The following RNF4 variants were observed in gnomAD, a reference collection of about 807,000 sequenced individuals.
The protein encoded by RNF4 is E3 ubiquitin-protein ligase RNF4.
In RNF4, 7 loss-of-function variants were observed where a neutral mutation model predicts 24.3. The ratio of observed to expected loss-of-function variants is 0.29; its 90% CI spans 0.16 to 0.54. The LOEUF (loss-of-function observed/expected upper bound fraction) is 0.54, where lower values mean the gene tolerates loss of function less well. Among genes scored for constraint, RNF4 ranks in the 20% least tolerant of loss-of-function variants. The probability of loss-of-function intolerance (pLI) is 0.95; values close to 1 mark genes in which losing one functional copy is unlikely to be tolerated. For synonymous variants in RNF4, 83 were observed against 84.3 expected, an observed-to-expected ratio of 0.98 and a Z score of 0.09; for missense variants, 209 against 248.5, an observed-to-expected ratio of 0.84 and a Z score of 1.07.
At chr4:2,490,625 G>A (rs1297494271) in intron 2 of RNF4, 123 bp downstream of exon 2, 2 of 1,045,894 alleles carry the variant, frequency 1.9e-6, no homozygotes, top group Non-Finnish European at 2.8e-6. Context: ...CTTCTTGAAG[G>A]AGTATGTATA....
intron 3 of RNF4, chr4:2,499,243 AGACCAATACT>A: frequency 2.3e-6 from 1 of 437,882 alleles, no homozygotes; most frequent in South Asian, 1.6e-5. Flanking sequence ...CCCAAATATT[AGACCAATACT>A]GTTTCTTAAA....
At position 2,515,340 on chromosome 4, in the gene RNF4, T is replaced by C. The variant is rs536056514; in HGVS notation, c.*1521T>C. The C allele has an allele frequency of 6.5e-6, 1 of 152,772 alleles. No individual in the cohort carries two copies. Among genetic ancestry groups the C allele is most frequent in the East Asian group, 1.9e-4 (1 of 5,194 alleles). 9.5% of individuals were successfully genotyped at this position (152,772 alleles called of 1,614,324 possible). ...TTATTCTTCATTCTGACTTTTTAACTGTTTGGCTCACTTCCAGTTAGTTTG... is the reference window on the plus strand; with the variant it reads ...TTATTCTTCATTCTGACTTTTTAACCGTTTGGCTCACTTCCAGTTAGTTTG... On this transcript the variant is annotated 3_prime_UTR_variant, in exon 8 of 8. Coordinates refer to ENST00000314289, the MANE Select transcript of RNF4 (RefSeq NM_002938.5).
intron 3 of RNF4, 69 bp from the exon 4 acceptor site, chr4:2,500,589 TA>T: frequency 6.7e-7 from 1 of 1,495,848 alleles, no homozygotes. Context: ...GCAGTCATAC[TA>T]AAGTGTAGAG....
chr4:2,491,673 C>T (rs1735582674), intron 2 of RNF4, among the ~76,000 whole-genome samples: 1 of 152,054 alleles, frequency 6.6e-6, no homozygotes, highest in Non-Finnish European at 1.5e-5. Flanking sequence ...AACTCCTGAC[C>T]TCAAGTGATC....
intron 3 of RNF4, among the ~76,000 whole-genome samples, chr4:2,498,196 C>G (rs1735796023): frequency 6.6e-6 from 1 of 152,074 alleles, no homozygotes; most frequent in South Asian, 2.1e-4. Flanking sequence ...GTTTTTGTTT[C>G]TGTTTGAGGC....
intron 1 of RNF4, among the ~76,000 whole-genome samples, chr4:2,473,595 G>A (rs1578495136): frequency 2.0e-5 from 3 of 151,910 alleles, no homozygotes; most frequent in South Asian, 2.1e-4. Flanking sequence ...GGTGGATTAC[G>A]AGGTCAGGAG....
intron 4 of RNF4, among the ~76,000 whole-genome samples, chr4:2,502,893 C>T (rs1033976560): frequency 1.3e-5 from 2 of 151,874 alleles, no homozygotes; most frequent in Non-Finnish European, 2.9e-5. Flanking sequence ...CTCTGTTGCC[C>T]AGGCTAGAGA....
chr4:2,500,602 G>A, intron 3 of RNF4, 57 bp from the exon 4 acceptor site: 2 of 1,554,196 alleles, frequency 1.3e-6, no homozygotes, highest in Middle Eastern at 3.4e-4. Flanking sequence ...AGTGTAGAGG[G>A]ATACAACCTT....
chr4:2,485,023 A>G (rs563034147), intron 1 of RNF4, among the ~76,000 whole-genome samples: 1 of 152,300 alleles, frequency 6.6e-6, no homozygotes, highest in East Asian at 1.9e-4. Context: ...TCCTCCACAC[A>G]GTGCTCGTGT....
At position 2,491,325 on chromosome 4, in the gene RNF4, G is replaced by T. The variant is rs752070980; in HGVS notation, c.9+823G>T. 3.3e-5 allele frequency among the ~76,000 whole-genome samples: 5 copies of T among 151,958 alleles called. 1 individual carries two copies. The Middle Eastern group carries it at 0.014, about 413-fold the overall frequency. On this transcript the variant is annotated intron_variant, in intron 2 of 7. Transcript: ENST00000314289. ...GACCTCGGCTCACTGCAACCTCCAC[G>T]TTCTGGGTTCAAGTGATTCTTGTGC... is the stretch of plus-strand genomic sequence containing the variant.
rs1400952549 is a variant in RNF4 at position 2,513,757 on chromosome 4, A to C, written c.511A>C (p.Asn171His). 6.2e-7 allele frequency: 1 copy of C among 1,613,936 alleles called. No homozygotes were observed. The highest frequency in any genetic ancestry group is 2.2e-5 in the East Asian group (1 of 44,884). Residue 171 changes from asparagine (N) to histidine (H), a missense_variant, in exon 8 of 8, where the codon AAT (asparagine) becomes CAT (histidine). By Grantham distance (68) the Asn-to-His change is moderately conservative. Transcript: ENST00000314289. ...CCTCCGTGATTCCCTGAAGAATGCT[A>C]ATACTTGCCCAACTTGTAGGAAAAA... Reference protein sequence around the residue: ...QCLRDSLKNANTCPTCRKKIN... With the variant: ...QCLRDSLKNAHTCPTCRKKIN...
chr4:2,497,660 A>T (rs931267612), intron 3 of RNF4, among the ~76,000 whole-genome samples: 1 of 152,182 alleles, frequency 6.6e-6, no homozygotes, highest in African/African-American at 2.4e-5. Flanking sequence ...TTTGAGATAG[A>T]GTCTTGCTCT....
At chr4:2,495,142 C>T (rs933807256) in intron 2 of RNF4, among the ~76,000 whole-genome samples, 7 of 152,202 alleles carry the variant, frequency 4.6e-5, no homozygotes, top group Non-Finnish European at 8.8e-5. Flanking sequence ...TGGCTGCTGT[C>T]GCTTGGCCTC....
intron 1 of RNF4, among the ~76,000 whole-genome samples, chr4:2,477,394 G>A (rs940736460): frequency 6.6e-6 from 1 of 152,064 alleles, no homozygotes; most frequent in Non-Finnish European, 1.5e-5. Flanking sequence ...AGATGAGTGT[G>A]GCCAACATAG....
intron 4 of RNF4, among the ~76,000 whole-genome samples, chr4:2,507,745 G>C (rs1376979910): frequency 6.6e-6 from 1 of 152,196 alleles, no homozygotes; most frequent in Non-Finnish European, 1.5e-5. Context: ...AGATGTGCCT[G>C]CTGCAGGTCC....
chr4:2,512,071 G>A lies in RNF4; in HGVS notation c.214+106G>A, dbSNP rs530254284. 7.4e-5 allele frequency: 78 copies of A among 1,053,388 alleles called. 1 individual carries two copies. The highest frequency in any genetic ancestry group is 1.3e-4 in the African/African-American group (8 of 62,926). 65.3% of individuals were successfully genotyped at this position (1,053,388 alleles called of 1,614,324 possible). ...CAGACCATCCCCAAGGGCTTGGAGC[G>A]CTCCAAGCAGGAAGATGCCTTCGCA... is the stretch of plus-strand genomic sequence containing the variant. On this transcript the variant is annotated intron_variant, in intron 5 of 7. Transcript: ENST00000314289. This position sits in a 1 kb window ranked among gnomAD's most constrained non-coding sequence, Gnocchi z 4.1.
In RNF4 at chr4:2,512,952, A is replaced by T; in HGVS notation, c.375-131A>T. 2.3e-6 allele frequency: 2 copies of T among 875,268 alleles called. No individual in the cohort carries two copies. The highest frequency in any genetic ancestry group is 1.5e-5 in the South Asian group (1 of 68,050). 54.2% of individuals were successfully genotyped at this position (875,268 alleles called of 1,614,324 possible). A position where few individuals can be genotyped will look rare whatever the true frequency, so the allele number is the denominator to read the frequency against. ...GTTGGCTTTCCTGAAAGTCTCTCGG[A>T]TGCCCGCGCTAAGGCAGAGTCAGGA... On this transcript the variant is annotated intron_variant, in intron 6 of 7. Transcript: ENST00000314289. This position sits in a 1 kb window ranked among gnomAD's most constrained non-coding sequence, Gnocchi z 4.1.
At chr4:2,484,184 T>G (rs1401774583) in intron 1 of RNF4, among the ~76,000 whole-genome samples, 1 of 151,254 alleles carries the variant, frequency 6.6e-6, no homozygotes, top group Admixed American at 6.6e-5. Flanking sequence ...CAGGTGGGGT[T>G]TGAGGGTTCT....
At chr4:2,488,844 G>C (rs1735495673) in intron 1 of RNF4, among the ~76,000 whole-genome samples, 1 of 151,890 alleles carries the variant, frequency 6.6e-6, no homozygotes, top group African/African-American at 2.4e-5. Flanking sequence ...TTGAGATGGA[G>C]TTTTGCTCTC....
Sources: allele counts gnomAD v4.1 joint callset (sites outside exome capture counted in the v4.1 genomes callset), GRCh38; gene constraint gnomAD v4.1.1; non-coding constraint Gnocchi (gnomAD v3.1); transcripts MANE v1.5; gene names NCBI Gene and HGNC (gene_info 2026-07-23, HGNC 2026-07-21).